Variants in SLC25A48 observed in about 807,000 individuals in gnomAD.
The protein encoded by SLC25A48 is CTC-321K16.1.
SLC25A48 carries 29 observed loss-of-function variants against 32.2 expected under a neutral mutation model. The observed-to-expected ratio is 0.90, with a 90% confidence interval of 0.67 to 1.23. SLC25A48 has a LOEUF of 1.23. Among genes scored for constraint, SLC25A48 ranks in the 50% most tolerant of loss-of-function variants. SLC25A48 has a pLI of 0.00. For missense variants in SLC25A48, 399 were observed against 422.7 expected (o/e 0.94, Z 0.49); for synonymous variants, 164 against 172.3 (o/e 0.95, Z 0.38).
At chr5:135,838,987 A>G (rs952558764) in intron 1 of SLC25A48, among the ~76,000 whole-genome samples, 2 of 152,224 alleles carry the variant, frequency 1.3e-5, no homozygotes, top group East Asian at 3.9e-4. Flanking sequence ...CAGACCACAG[A>G]ATGGTAGATC....
In SLC25A48 at chr5:135,852,678, G is replaced by A; in HGVS notation, c.278G>A (p.Gly93Glu). 2 of 1,614,002 alleles carry A rather than the reference G, an allele frequency of 1.2e-6. No homozygotes were observed. The highest frequency in any genetic ancestry group is 2.2e-5 in the East Asian group (1 of 44,870). ...CGGTTCCTCAGCCAGCACCGCTGCG[G>A]GGAGCCAGAGGCCAGTCCTCCCCGC... ...TQRFLSQHRCGEPEASPPRTL... is the reference protein window; with the variant it reads ...TQRFLSQHRCEEPEASPPRTL... Residue 93 changes from glycine (G) to glutamate (E), a missense_variant, in exon 4 of 8, where the codon GGG becomes GAG. Transcript: ENST00000681962.
chr5:135,668,015 AG>A (rs757136615), intron 3 of SLC25A48, among the ~76,000 whole-genome samples: 10 of 152,206 alleles, frequency 6.6e-5, no homozygotes, highest in Non-Finnish European at 2.9e-5. Flanking sequence ...GTGAAGACAT[AG>A]TCCTGGCCTC....
chr5:135,880,238 C>T (rs1581065245), intron 7 of SLC25A48, 141 bp downstream of exon 7: 1 of 1,258,416 alleles, frequency 7.9e-7, no homozygotes. Context: ...GGGGCTGCCA[C>T]CCTTTTCGTC....
chr5:135,812,023 A>G (rs11242300), intron 3 of SLC25A48, among the ~76,000 whole-genome samples: 53,654 of 152,060 alleles, frequency 0.35, 9,611 homozygotes, highest in East Asian at 0.44. Context: ...CAGAGGTTGC[A>G]GTGAGCTGAG....
intron 3 of SLC25A48, among the ~76,000 whole-genome samples, chr5:135,808,075 A>G (rs1215417434): frequency 1.3e-5 from 2 of 151,228 alleles, no homozygotes; most frequent in Non-Finnish European, 3.0e-5. Context: ...GTGTGTTAAC[A>G]CTAGATATTA....
At chr5:135,863,371 G>A (rs75835161) in intron 4 of SLC25A48, among the ~76,000 whole-genome samples, 2,120 of 152,274 alleles carry the variant, frequency 0.014, 39 homozygotes, top group African/African-American at 0.045. Context: ...CTGTGAGATT[G>A]CACCTGGAAG....
At chr5:135,739,166 G>A (rs915106697) in intron 3 of SLC25A48, among the ~76,000 whole-genome samples, 7 of 152,052 alleles carry the variant, frequency 4.6e-5, no homozygotes, top group African/African-American at 1.7e-4. Context: ...TGCCCAGGCT[G>A]GAGTGCAGTG....
intron 3 of SLC25A48, among the ~76,000 whole-genome samples, chr5:135,811,386 C>A (rs371108666): frequency 2.6e-5 from 4 of 152,004 alleles, no homozygotes; most frequent in African/African-American, 9.7e-5. Context: ...ATAAAAGCAC[C>A]GAGTAGAATG....
At chr5:135,776,026 T>C (rs1756549026) in intron 3 of SLC25A48, among the ~76,000 whole-genome samples, 1 of 151,774 alleles carries the variant, frequency 6.6e-6, no homozygotes, top group Non-Finnish European at 1.5e-5. Flanking sequence ...GTTCCATATA[T>C]TGTCCCTAAT....
In SLC25A48 at chr5:135,651,025, G is replaced by C. The variant is rs139583038; in HGVS notation, c.-521+16069G>C. On this transcript the variant is annotated intron_variant, in intron 3 of 10. Transcript: ENST00000646290. ...GCTCCAAATCTACCCTTATTTTCCT[G>C]CTTGTTGATAATGGAGGTGGGCTTT... Among the ~76,000 whole-genome samples, 252 of 152,106 alleles carry C rather than the reference G, an allele frequency of 1.7e-3. 1 individual carries two copies. The highest frequency in any genetic ancestry group is 5.8e-3 in the African/African-American group (240 of 41,468).
At chr5:135,820,099 T>C (rs1561508397) in intron 4 of SLC25A48, among the ~76,000 whole-genome samples, 1 of 152,110 alleles carries the variant, frequency 6.6e-6, no homozygotes, top group East Asian at 1.9e-4. Flanking sequence ...ATGAAAACTA[T>C]ACCCACTCAA....
chr5:135,742,954 A>ACCTCCT (rs1755533008), intron 3 of SLC25A48, among the ~76,000 whole-genome samples: 1 of 3,960 alleles, frequency 2.5e-4, no homozygotes, highest in Non-Finnish European at 4.8e-4. Flanking sequence ...ATGTCTGGAG[A>ACCTCCT]CCTCCCCCTC....
chr5:135,850,758 C>G (rs571061557), intron 3 of SLC25A48, among the ~76,000 whole-genome samples: 5 of 152,220 alleles, frequency 3.3e-5, no homozygotes, highest in Non-Finnish European at 7.3e-5. Context: ...GAATCTGGAG[C>G]TGCAGTGTGG....
At chr5:135,724,052 A>G (rs931352982) in intron 3 of SLC25A48, among the ~76,000 whole-genome samples, 2 of 152,098 alleles carry the variant, frequency 1.3e-5, no homozygotes, top group African/African-American at 2.4e-5. Context: ...CCTTGCACAC[A>G]TGGTTTTGTC....
At chr5:135,719,480 A>G (rs983934921) in intron 3 of SLC25A48, among the ~76,000 whole-genome samples, 5 of 152,080 alleles carry the variant, frequency 3.3e-5, no homozygotes, top group Admixed American at 2.6e-4. Context: ...CATGGAGCCC[A>G]AGGGAAGGGA....
Position 135,705,436 on chromosome 5 carries a change from G to A in SLC25A48, c.-521+70480G>A, listed in dbSNP as rs555094637. Among the ~76,000 whole-genome samples the A allele has an allele frequency of 2.0e-5, 3 of 152,350 alleles. No homozygotes were observed. The South Asian group carries it at 6.2e-4, about 32-fold the overall frequency. On this transcript the variant is annotated intron_variant, in intron 3 of 10. Transcript: ENST00000646290. ...TAACATTTGTCTCATGAGTCATTGT[G>A]AGGTGGCAGTGAAATAATATATGCA...
At chr5:135,804,425 C>T (rs956548808) in intron 3 of SLC25A48, among the ~76,000 whole-genome samples, 3 of 151,502 alleles carry the variant, frequency 2.0e-5, no homozygotes, top group Admixed American at 6.6e-5. Context: ...AGTAAGATCT[C>T]GCTGTGTGTG....
chr5:135,598,293 A>G (rs1410275444), intron 1 of SLC25A48, among the ~76,000 whole-genome samples: 2 of 152,202 alleles, frequency 1.3e-5, no homozygotes, highest in African/African-American at 4.8e-5. Context: ...TCCCTTACCC[A>G]GTGGTTCTTC....
intron 3 of SLC25A48, among the ~76,000 whole-genome samples, chr5:135,660,272 A>G (rs1753365223): frequency 6.6e-6 from 1 of 152,256 alleles, no homozygotes; most frequent in African/African-American, 2.4e-5. Context: ...TATCACAACC[A>G]GAATATCAAT....
Sources: allele counts gnomAD v4.1 joint callset (sites outside exome capture counted in the v4.1 genomes callset), GRCh38; gene constraint gnomAD v4.1.1; transcripts MANE v1.5; gene names NCBI Gene and HGNC (gene_info 2026-07-23, HGNC 2026-07-21).